LRP5: variants seen among roughly 807,000 people sequenced by gnomAD.
LRP5 encodes low-density lipoprotein receptor-related protein 5.
Under a neutral mutation model 154.1 loss-of-function variants are expected in LRP5, and 62 were observed. The ratio of observed to expected loss-of-function variants is 0.40; its 90% confidence interval spans 0.33 to 0.50. The LOEUF (loss-of-function observed/expected upper bound fraction) is 0.50. Among genes scored for constraint, LRP5 ranks in the 20% least tolerant of loss-of-function variants. The pLI is 0.55. For missense variants in LRP5, 1,915 were observed against 2,336.7 expected (o/e 0.82, Z 3.72); for synonymous variants, 966 against 1,011.5 (o/e 0.96, Z 0.85).
rs529399606 is a variant in LRP5, at chr11:68,341,829, C to T, written c.92-6018C>T. ...CCTGCACCATTTCCCTGATCTGCAG[C>T]GTTTATGATGTAACATTACTAAGGT... On this transcript the variant is annotated intron_variant, in intron 1 of 22. Coordinates refer to ENST00000294304, the MANE Select transcript of LRP5 (RefSeq NM_002335.4). Among the ~76,000 whole-genome samples the T allele has an allele frequency of 2.6e-5, 4 of 152,262 alleles. No homozygotes were observed. In the East Asian group the frequency reaches 5.8e-4, roughly 22 times the overall value.
Position 68,423,442 on chromosome 11 carries a change from A to G in LRP5, c.3028-47A>G, listed in dbSNP as rs753642147. ...GTGCCAGGGGTCTCCGCCAGTGCCCAGGGGTCTCCGCCAGTGCTCAGGAGT... is the reference window on the plus strand; with the variant it reads ...GTGCCAGGGGTCTCCGCCAGTGCCCGGGGGTCTCCGCCAGTGCTCAGGAGT... On this transcript the variant is annotated intron_variant, in intron 13 of 22. Coordinates refer to ENST00000294304, the MANE Select transcript of LRP5 (RefSeq NM_002335.4). The surrounding 1 kb of genome is among the most constrained non-coding windows in gnomAD (Gnocchi z 4.7). 11 of 1,569,092 alleles carry G rather than the reference A, an allele frequency of 7.0e-6. No homozygotes were observed. Among genetic ancestry groups the G allele is most frequent in the Non-Finnish European group, 8.8e-6 (10 of 1,139,382 alleles).
chr11:68,409,051 GAAAAAAAAAAA>G (rs57069059), intron 9 of LRP5, among the ~76,000 whole-genome samples: 1,104 of 51,444 alleles, frequency 0.021, 93 homozygotes, highest in African/African-American at 0.094. Flanking sequence ...CTTATCTGGG[GAAAAAAAAAAA>G]AAAAAAAAAA....
chr11:68,369,283 C>T (rs1296472111), intron 5 of LRP5, among the ~76,000 whole-genome samples: 2 of 152,106 alleles, frequency 1.3e-5, no homozygotes, highest in Non-Finnish European at 2.9e-5. Flanking sequence ...TGGGGCCTGG[C>T]CACTGGAGTT....
chr11:68,383,962 A>G (rs2098641607), intron 5 of LRP5, among the ~76,000 whole-genome samples: 1 of 152,218 alleles, frequency 6.6e-6, no homozygotes, highest in African/African-American at 2.4e-5. Flanking sequence ...ACACCAAATC[A>G]GATGCCCCTG....
Position 68,406,465 on chromosome 11 carries a change from C to T in LRP5, c.1802-59C>T, listed in dbSNP as rs1307009667. 1.5e-5 allele frequency: 24 copies of T among 1,565,854 alleles called. No individual in the cohort carries two copies. The East Asian group carries it at 3.4e-4, about 22-fold the overall frequency. On this transcript the variant is annotated intron_variant, in intron 8 of 22. Transcript: ENST00000294304. ...CAGCATTCATTGTGTGGCTTGGCCG[C>T]ACCCCTTTCCCTGCTGGGCTGTTGA... is the stretch of plus-strand genomic sequence containing the variant.
At chr11:68,409,073 A>ATATATATATATATAT (rs1200045346) in intron 9 of LRP5, among the ~76,000 whole-genome samples, 2 of 44,186 alleles carry the variant, frequency 4.5e-5, no homozygotes, top group African/African-American at 1.3e-4. Flanking sequence ...AAAAAAAAAA[A>ATATATATATATATAT]ATATATATAT....
chr11:68,335,713 G>A (rs985944910), intron 1 of LRP5, among the ~76,000 whole-genome samples: 3 of 152,188 alleles, frequency 2.0e-5, no homozygotes. Flanking sequence ...GCACTACACA[G>A]CAGCATATGT....
At chr11:68,438,412 A>G in intron 19 of LRP5, 34 bp from the exon 20 acceptor site, 2 of 1,594,370 alleles carry the variant, frequency 1.3e-6, no homozygotes, top group Non-Finnish European at 1.7e-6. Flanking sequence ...GTTGGGGTTA[A>G]TGTTGGCCAC....
chr11:68,352,141 C>T (rs1162474900), intron 2 of LRP5, among the ~76,000 whole-genome samples: 8 of 152,138 alleles, frequency 5.3e-5, no homozygotes, highest in Non-Finnish European at 1.0e-4. Context: ...GCCCTCTCCA[C>T]GGTTATTACC....
chr11:68,360,332 G>T (rs562697565), intron 3 of LRP5, among the ~76,000 whole-genome samples: 1 of 152,248 alleles, frequency 6.6e-6, no homozygotes, highest in East Asian at 1.9e-4. Context: ...TTGCTATTTT[G>T]ATCCCCTGTG....
intron 2 of LRP5, among the ~76,000 whole-genome samples, chr11:68,350,457 A>G (rs965124746): frequency 6.6e-6 from 1 of 152,202 alleles, no homozygotes; most frequent in African/African-American, 2.4e-5. Flanking sequence ...TCCCTTGGCC[A>G]TGCCCTGTGG....
At chr11:68,369,582 G>T (rs1006689463) in intron 5 of LRP5, among the ~76,000 whole-genome samples, 2 of 152,118 alleles carry the variant, frequency 1.3e-5, no homozygotes, top group African/African-American at 4.8e-5. Flanking sequence ...AGACCAGCCT[G>T]GCCAACATGG....
rs1303941160 is a variant in LRP5 at position 68,436,869 on chromosome 11, T to G, written c.4001-20T>G. 6.3e-7 allele frequency: 1 copy of G among 1,594,544 alleles called. No individual in the cohort carries two copies. The highest frequency in any genetic ancestry group is 8.6e-7 in the Non-Finnish European group (1 of 1,162,884). On this transcript the variant is annotated intron_variant, in intron 18 of 22. Coordinates refer to ENST00000294304, the MANE Select transcript of LRP5 (RefSeq NM_002335.4). ...GGGGGCACCCTCCAGCCTCTCTGAG[T>G]GCATGGCCTCTCCTTGCAGCCATCT...
intron 1 of LRP5, among the ~76,000 whole-genome samples, chr11:68,336,637 T>A (rs2098605864): frequency 6.6e-6 from 1 of 152,058 alleles, no homozygotes; most frequent in Non-Finnish European, 1.5e-5. Flanking sequence ...TCTGGCTAAT[T>A]TTTGTATTTT....
chr11:68,360,842 A>T (rs2098627278), intron 3 of LRP5, among the ~76,000 whole-genome samples: 1 of 151,102 alleles, frequency 6.6e-6, no homozygotes, highest in Non-Finnish European at 1.5e-5. Context: ...CTAAAAATAC[A>T]AAACATTAGC....
At chr11:68,443,398 G>T (rs2098679196) in intron 21 of LRP5, among the ~76,000 whole-genome samples, 1 of 145,554 alleles carries the variant, frequency 6.9e-6, no homozygotes, top group Admixed American at 6.9e-5. Context: ...TCTGAAGCAT[G>T]AGAATTGCTT....
chr11:68,347,767 C>T lies in LRP5; in HGVS notation c.92-80C>T, dbSNP rs955316233. ...TGGGCAGGGCAGTACCAGGAGTGCT[C>T]TGGGCATAGTGCTCCATCCCAGGGC... On this transcript the variant is annotated intron_variant, in intron 1 of 22. Coordinates refer to ENST00000294304, the MANE Select transcript of LRP5 (RefSeq NM_002335.4). 2.0e-6 allele frequency: 3 copies of T among 1,530,168 alleles called. No homozygotes were observed. The African/African-American group carries it at 4.1e-5, about 21-fold the overall frequency. 94.8% of individuals were successfully genotyped at this position (1,530,168 alleles called of 1,614,324 possible). A position where few individuals can be genotyped will look rare whatever the true frequency, so the allele number is the denominator to read the frequency against.
chr11:68,298,729 A>T, the LRP5 span, among the ~76,000 whole-genome samples: 1 of 152,110 alleles, frequency 6.6e-6, no homozygotes, highest in Non-Finnish European at 1.5e-5. Flanking sequence ...AGGGAGCAGG[A>T]GGGGCCTTCA....
chr11:68,357,117 A>G (rs1237401242), intron 2 of LRP5, among the ~76,000 whole-genome samples: 1 of 151,860 alleles, frequency 6.6e-6, no homozygotes, highest in African/African-American at 2.4e-5. Context: ...TTGTATTTTT[A>G]GTAGGGACGG....
Sources: gnomAD v4.1 joint callset for allele counts (sites outside exome capture counted in the v4.1 genomes callset) on GRCh38, gnomAD v4.1.1 for gene constraint, Gnocchi (gnomAD v3.1) non-coding constraint, MANE v1.5 for transcripts, NCBI Gene and HGNC (gene_info 2026-07-23, HGNC 2026-07-21) for gene names.